GPT2: variants seen among roughly 807,000 people sequenced by gnomAD.
The protein encoded by GPT2 is alanine aminotransferase 2.
A neutral mutation model predicts 56.9 loss-of-function variants in GPT2; 30 were observed. The observed-to-expected ratio is 0.53, with a 90% CI of 0.39 to 0.72. The LOEUF is 0.72. Ranked by LOEUF, GPT2 falls within the 30% of genes least tolerant of loss-of-function variation. The pLI, the probability that GPT2 is intolerant of heterozygous loss-of-function variation, is 0.00. For synonymous variants in GPT2, 271 were observed against 283.1 expected, an observed-to-expected ratio of 0.96 and a Z score of 0.43; for missense variants, 542 against 703.4, an observed-to-expected ratio of 0.77 and a Z score of 2.60.
chr16:46,927,032 C>A lies in GPT2; in HGVS notation c.1476C>A (p.His492Gln). 1 of 1,586,942 alleles carries A rather than the reference C, an allele frequency of 6.3e-7. No homozygotes were observed. ...SGFGQREGTY[H>Q]FRMTILPPVE... ...TTGGGCAGAGGGAAGGCACTTACCA[C>A]TTCAGGTATGACTTCCTCTCCGCAC... Residue 492 changes from histidine (H) to glutamine (Q), a missense_variant, in exon 11 of 12, where the codon CAC (histidine) becomes CAA (glutamine). Transcript: ENST00000340124.
chr16:46,919,302 AG>A (rs1291153020), intron 8 of GPT2, among the ~76,000 whole-genome samples: 15 of 152,102 alleles, frequency 9.9e-5, no homozygotes, highest in Admixed American at 9.2e-4. Context: ...GGTTCTAGTG[AG>A]GGGGGAGAGC....
rs75707274 is a variant in GPT2, at chr16:46,909,852, C to T, written c.745C>T (p.Arg249Trp). 1.1e-4 allele frequency: 182 copies of T among 1,614,112 alleles called. No individual in the cohort carries two copies. Among genetic ancestry groups the T allele is most frequent in the Admixed American group, 2.8e-4 (17 of 60,000 alleles). The change falls in exon 6 of 12, where the codon CGG becomes TGG. Residue 249 changes from arginine (R) to tryptophan (W), a missense_variant. Arg to Trp is a moderately radical substitution (Grantham distance 101, BLOSUM62 -3). Transcript: ENST00000340124. ...NCWALNVNEL[R>W]RAVQEAKDHC... ...CTGGGCGCTGAATGTGAATGAGCTC[C>T]GGCGGGCGGTGCAGGAGGCCAAAGA... is the stretch of plus-strand genomic sequence containing the variant.
intron 2 of GPT2, among the ~76,000 whole-genome samples, chr16:46,892,729 C>G (rs1336136989): frequency 6.6e-6 from 1 of 152,182 alleles, no homozygotes; most frequent in African/African-American, 2.4e-5. Flanking sequence ...TGTGGAAAGA[C>G]TCTTCACATC....
rs1961505317 is a variant in GPT2, at chr16:46,929,956, G to C, written c.*959G>C. On this transcript the variant is annotated 3_prime_UTR_variant, in exon 12 of 12. Transcript: ENST00000340124. ...ATCCTCCCCACAAGGGCAATCCCCG[G>C]GACCTGCCGAGCAGCCAAGGCCCTG... is the stretch of plus-strand genomic sequence containing the variant. 6.6e-6 allele frequency: 1 copy of C among 152,660 alleles called. No homozygotes were observed. The highest frequency in any genetic ancestry group is 2.1e-4 in the South Asian group (1 of 4,834). The allele number at this position is 152,660 out of a possible 1,614,324, so 9.5% of individuals were successfully genotyped here.
At chr16:46,925,065 T>A (rs1961378297) in intron 10 of GPT2, among the ~76,000 whole-genome samples, 2 of 151,972 alleles carry the variant, frequency 1.3e-5, no homozygotes, top group African/African-American at 4.8e-5. Context: ...CCTGGCTTGT[T>A]TGTTTTGTTT....
chr16:46,887,207 G>C (rs955023257), intron 2 of GPT2, among the ~76,000 whole-genome samples: 2 of 151,670 alleles, frequency 1.3e-5, no homozygotes, highest in Middle Eastern at 3.2e-3. Flanking sequence ...GGTGGCTCAC[G>C]CCTGTAATCT....
chr16:46,921,697 T>C (rs1284714748), intron 8 of GPT2, among the ~76,000 whole-genome samples: 1 of 152,166 alleles, frequency 6.6e-6, no homozygotes, highest in Non-Finnish European at 1.5e-5. Flanking sequence ...CAGCTTATTT[T>C]CATATGATTT....
intron 4 of GPT2, among the ~76,000 whole-genome samples, chr16:46,903,094 C>T (rs908028949): frequency 4.0e-5 from 6 of 151,764 alleles, no homozygotes; most frequent in African/African-American, 7.2e-5. Context: ...ACTAAAAATA[C>T]AAAAATTAGC....
At position 46,922,412 on chromosome 16, in the gene GPT2, G is replaced by A. The variant is rs780346515; in HGVS notation, c.1208G>A (p.Ser403Asn). 6 of 1,608,978 alleles carry A rather than the reference G, an allele frequency of 3.7e-6. No individual in the cohort carries two copies. In the East Asian group the frequency reaches 1.1e-4, roughly 30 times the overall value. The change falls in exon 9 of 12, where the codon AGC (serine) becomes AAC (asparagine). Residue 403 changes from serine to asparagine, a missense_variant. Physicochemically the swap from Ser to Asn is conservative, Grantham distance 46. Transcript: ENST00000340124. ...GGAGAGGAGTCCTTTGAGCAATTCA[G>A]CCGAGTGAGTCCACTGTGATGCGTC... ...VAGEESFEQF[S>N]REKESVLGNL...
chr16:46,921,766 C>T (rs1418429399), intron 8 of GPT2, among the ~76,000 whole-genome samples: 1 of 152,100 alleles, frequency 6.6e-6, no homozygotes, highest in East Asian at 1.9e-4. Context: ...CCTGTAATCC[C>T]AGCACTTTGG....
At position 46,928,988 on chromosome 16, in the gene GPT2, G is replaced by A; in HGVS notation, c.1563G>A (p.Lys521=). ...VKDFHINFLE[K]YA is the part of the protein sequence containing the mutation. ...ACTTCCACATCAACTTCCTGGAGAA[G>A]TACGCGTGAGGACGCCTGAGCCCCA... Residue 521 remains lysine (K), a synonymous_variant, in exon 12 of 12, where the codon AAG becomes AAA. Transcript: ENST00000340124. 1 of 1,613,904 alleles carries A rather than the reference G, an allele frequency of 6.2e-7. No homozygotes were observed.
intron 2 of GPT2, among the ~76,000 whole-genome samples, chr16:46,891,148 C>T (rs1960577041): frequency 2.6e-5 from 4 of 152,224 alleles, no homozygotes; most frequent in Admixed American, 2.6e-4. Context: ...GCTGGGATTA[C>T]AGGCATGAGC....
chr16:46,909,658 T>C, intron 5 of GPT2, 26 bp from the exon 6 acceptor site: 1 of 1,605,788 alleles, frequency 6.2e-7, no homozygotes, highest in Non-Finnish European at 8.5e-7. Context: ...AGTGCTGGCT[T>C]TCTAGATGTG....
intron 2 of GPT2, among the ~76,000 whole-genome samples, chr16:46,890,350 G>T (rs758691102): frequency 4.6e-5 from 7 of 152,102 alleles, no homozygotes; most frequent in Non-Finnish European, 1.0e-4. Flanking sequence ...TTCACATTGT[G>T]CTCCTAGGCC....
At chr16:46,925,360 T>C (rs1277550743) in intron 10 of GPT2, among the ~76,000 whole-genome samples, 1 of 152,138 alleles carries the variant, frequency 6.6e-6, no homozygotes, top group Non-Finnish European at 1.5e-5. Context: ...TAGCTGGGAC[T>C]ATAGGCACCT....
At position 46,890,930 on chromosome 16, in the gene GPT2, A is replaced by G. The variant is rs188518857; in HGVS notation, c.243+5972A>G. ...CTCTTGTTGCCCAGGCTGGAGTGCA[A>G]TGGTGTGATCTCGGCTCACCCCAAC... is the stretch of plus-strand genomic sequence containing the variant. On this transcript the variant is annotated intron_variant, in intron 2 of 11. Coordinates refer to ENST00000340124, the MANE Select transcript of GPT2 (RefSeq NM_133443.4). Among the ~76,000 whole-genome samples, 817 of 150,948 alleles carry G rather than the reference A, an allele frequency of 5.4e-3. 5 individuals carry two copies. Among genetic ancestry groups the G allele is most frequent in the Non-Finnish European group, 9.5e-3 (643 of 67,622 alleles).
chr16:46,929,363 C>A lies in GPT2; in HGVS notation c.*366C>A. 1 of 250,110 alleles carries A rather than the reference C, an allele frequency of 4.0e-6. No homozygotes were observed. Among genetic ancestry groups the A allele is most frequent in the Non-Finnish European group, 8.0e-6 (1 of 124,608 alleles). 15.5% of individuals were successfully genotyped at this position (250,110 alleles called of 1,614,324 possible). On this transcript the variant is annotated 3_prime_UTR_variant, in exon 12 of 12. Coordinates refer to ENST00000340124, the MANE Select transcript of GPT2 (RefSeq NM_133443.4). The stretch of plus-strand genomic sequence containing the variant: ...TGAGCAGGTGTCGGGAAATGTGTGA[C>A]TTAACCGTGGTGAGGGCTGGAAATC...
intron 3 of GPT2, among the ~76,000 whole-genome samples, chr16:46,899,035 AT>A (rs1188592006): frequency 1.4e-4 from 11 of 77,222 alleles, no homozygotes; most frequent in African/African-American, 8.1e-4. Flanking sequence ...ATATATATAT[AT>A]TTTTTTTTTT....
intron 6 of GPT2, chr16:46,915,341 CACAG>C (rs2143505957): frequency 7.4e-6 from 1 of 134,696 alleles, no homozygotes; most frequent in South Asian, 2.6e-4. Context: ...AAACACTGCA[CACAG>C]ACACCCACAC....
Sources: allele counts gnomAD v4.1 joint callset (sites outside exome capture counted in the v4.1 genomes callset), GRCh38; gene constraint gnomAD v4.1.1; transcripts MANE v1.5; gene names NCBI Gene and HGNC (gene_info 2026-07-23, HGNC 2026-07-21).